FAH: variants seen among roughly 807,000 people sequenced by gnomAD.
FAH encodes fumarylacetoacetate hydrolase, also known as fumarylacetoacetase.
FAH carries 47 observed loss-of-function variants against 55.8 expected under a neutral mutation model. That is an observed-to-expected ratio of 0.84 (90% CI 0.67 to 1.07). The LOEUF (loss-of-function observed/expected upper bound fraction) is 1.07, where lower values mean the gene tolerates loss of function less well. Among genes scored for constraint, FAH ranks in the 50% least tolerant of loss-of-function variants. The probability of loss-of-function intolerance (pLI) is 0.00; values close to 1 mark genes in which losing one functional copy is unlikely to be tolerated. For missense variants in FAH, 495 were observed against 545.9 expected, an observed-to-expected ratio of 0.91 and a Z score of 0.93; for synonymous variants, 199 against 207.7, an observed-to-expected ratio of 0.96 and a Z score of 0.36.
chr15:80,181,570 T>C (rs1384126316), intron 13 of FAH, among the ~76,000 whole-genome samples: 1 of 152,032 alleles, frequency 6.6e-6, no homozygotes, highest in Non-Finnish European at 1.5e-5. Context: ...TTAATTCTTC[T>C]GGGGGTGCCA....
chr15:80,158,630 T>A (rs1440316239), intron 2 of FAH, among the ~76,000 whole-genome samples: 1 of 152,250 alleles, frequency 6.6e-6, no homozygotes, highest in Non-Finnish European at 1.5e-5. Context: ...TTTGCTTCCC[T>A]GTAAATGGTC....
In FAH at chr15:80,173,301, G is replaced by A. The variant is rs1019434195; in HGVS notation, c.837+157G>A. The A allele has an allele frequency of 1.9e-5, 18 of 953,112 alleles. 1 individual carries two copies. The highest frequency in any genetic ancestry group is 5.4e-5 in the South Asian group (4 of 74,494). 59.0% of individuals were successfully genotyped at this position (953,112 alleles called of 1,614,324 possible). On this transcript the variant is annotated intron_variant, in intron 9 of 13. Transcript: ENST00000561421. Reference sequence around the variant, plus strand: ...AGAGTGCCTGGGAGTTCCTGGCCACGATTACTTCCAGGCAGCCAGGGCATC... The same window carrying A: ...AGAGTGCCTGGGAGTTCCTGGCCACAATTACTTCCAGGCAGCCAGGGCATC...
chr15:80,169,433 A>G (rs960239378), intron 7 of FAH, among the ~76,000 whole-genome samples: 1 of 152,194 alleles, frequency 6.6e-6, no homozygotes, highest in Non-Finnish European at 1.5e-5. Context: ...ACCACGAGTG[A>G]CAAGAGTCAA....
At chr15:80,154,331 C>A (rs1219724379) in intron 1 of FAH, among the ~76,000 whole-genome samples, 2 of 152,242 alleles carry the variant, frequency 1.3e-5, no homozygotes, top group South Asian at 4.1e-4. Context: ...GAGAGGCAGG[C>A]ACACCCCAGT....
At chr15:80,168,234 G>GC in intron 6 of FAH, 30 bp from the exon 7 acceptor site, 1 of 1,491,240 alleles carries the variant, frequency 6.7e-7, no homozygotes, top group African/African-American at 1.4e-5. Flanking sequence ...TCACAGCACC[G>GC]TTTTTTTTTT....
intron 11 of FAH, among the ~76,000 whole-genome samples, 179 bp downstream of exon 11, chr15:80,177,762 G>C (rs2041296618): frequency 6.6e-6 from 1 of 152,252 alleles, no homozygotes; most frequent in Middle Eastern, 3.4e-3. Flanking sequence ...GAGTTCTCTC[G>C]AGATAGAGGC....
chr15:80,154,236 G>A (rs1400573584), intron 1 of FAH, among the ~76,000 whole-genome samples: 2 of 152,194 alleles, frequency 1.3e-5, no homozygotes, highest in African/African-American at 2.4e-5. Context: ...CCCTCCCTCT[G>A]CCCTCCTCAA....
At chr15:80,173,531 G>A (rs1408378585) in intron 9 of FAH, 1 of 360,410 alleles carries the variant, frequency 2.8e-6, no homozygotes, top group East Asian at 7.2e-5. Context: ...CTCATAGAAT[G>A]CAGCTTGGAG....
At chr15:80,176,607 A>C (rs1472100653) in intron 10 of FAH, among the ~76,000 whole-genome samples, 3 of 152,168 alleles carry the variant, frequency 2.0e-5, no homozygotes, top group African/African-American at 7.2e-5. Context: ...CGAGCCACCT[A>C]CCTGGCTAAT....
chr15:80,179,623 C>T (rs1021524598), intron 11 of FAH, among the ~76,000 whole-genome samples: 25 of 152,264 alleles, frequency 1.6e-4, no homozygotes, highest in African/African-American at 5.8e-4. Flanking sequence ...GCCCTGACAT[C>T]GTGTTTGAAT....
chr15:80,159,888 C>T lies in FAH; in HGVS notation c.314+11C>T, dbSNP rs749045075. 1.4e-5 allele frequency: 23 copies of T among 1,613,820 alleles called. No homozygotes were observed. The East Asian group carries it at 1.6e-4, about 11-fold the overall frequency. ...CGAACTTCGGAAGTGGTGAGAAGCA[C>T]GTGGTCATAGGGGGGATGAGGGGAT... On this transcript the variant is annotated intron_variant, in intron 3 of 13. Transcript: ENST00000561421.
intron 5 of FAH, among the ~76,000 whole-genome samples, chr15:80,166,679 A>G (rs1292966569): frequency 8.1e-6 from 1 of 123,422 alleles, no homozygotes; most frequent in African/African-American, 3.2e-5. Context: ...CTCTGTCGCC[A>G]TGGCTAGAGT....
intron 5 of FAH, among the ~76,000 whole-genome samples, chr15:80,164,213 C>T (rs1345393269): frequency 6.6e-6 from 1 of 152,176 alleles, no homozygotes; most frequent in Non-Finnish European, 1.5e-5. Flanking sequence ...CTTCTGGAGG[C>T]TCTAGGAGAG....
intron 7 of FAH, among the ~76,000 whole-genome samples, chr15:80,170,323 A>C (rs1234002037): frequency 2.6e-5 from 4 of 152,182 alleles, no homozygotes; most frequent in Non-Finnish European, 5.9e-5. Flanking sequence ...AGAAGCTGTC[A>C]TGGGGCCACC....
intron 13 of FAH, among the ~76,000 whole-genome samples, chr15:80,185,074 T>A (rs2041359531): frequency 6.6e-6 from 1 of 152,170 alleles, no homozygotes; most frequent in Non-Finnish European, 1.5e-5. Context: ...AAACTAATAT[T>A]TATTAGTTTC....
At chr15:80,152,875 G>A, upstream of FAH, 1 of 602,820 alleles carries the variant, frequency 1.7e-6, no homozygotes, top group Non-Finnish European at 3.0e-6. Context: ...GGGTTCGGGG[G>A]CGGGGTGTTC....
intron 4 of FAH, among the ~76,000 whole-genome samples, chr15:80,162,009 G>A (rs565856064): frequency 1.1e-4 from 17 of 152,362 alleles, no homozygotes; most frequent in African/African-American, 4.1e-4. Flanking sequence ...TCCACTGTCA[G>A]TTTCAGAAAG....
At chr15:80,160,358 GAC>G in intron 3 of FAH, 50 bp from the exon 4 acceptor site, 1 of 1,583,250 alleles carries the variant, frequency 6.3e-7, no homozygotes. Context: ...CCGTGGGTGG[GAC>G]CGCGCTTTGC....
intron 11 of FAH, 40 bp downstream of exon 11, chr15:80,177,623 G>A: frequency 6.4e-7 from 1 of 1,564,274 alleles, no homozygotes; most frequent in Non-Finnish European, 8.8e-7. Context: ...TTAGAATTGA[G>A]GGAAAGAGAG....
Sources: allele counts gnomAD v4.1 joint callset (sites outside exome capture counted in the v4.1 genomes callset), GRCh38; gene constraint gnomAD v4.1.1; transcripts MANE v1.5; gene names NCBI Gene and HGNC (gene_info 2026-07-23, HGNC 2026-07-21).